Variants in SNPH observed in about 807,000 individuals in gnomAD.
SNPH encodes syntaphilin.
SNPH carries 10 observed loss-of-function variants against 36.8 expected under a neutral mutation model. The observed-to-expected ratio is 0.27, with a 90% CI of 0.17 to 0.46. The LOEUF is 0.46. Among genes scored for constraint, SNPH ranks in the 20% least tolerant of loss-of-function variants. SNPH has a pLI of 1.00. For synonymous variants in SNPH, 281 were observed against 312.2 expected (o/e 0.90, Z 1.05); for missense variants, 622 against 744.0 (o/e 0.84, Z 1.91).
At chr20:1,300,908 T>A (rs538528910) in intron 6 of SNPH, among the ~76,000 whole-genome samples, 197 bp downstream of exon 6, 13 of 152,312 alleles carry the variant, frequency 8.5e-5, no homozygotes, top group African/African-American at 3.1e-4. Context: ...CCTTGACTGC[T>A]CCACGAGGCT....
At chr20:1,296,448 A>C (rs1600260152) in intron 4 of SNPH, 27 bp downstream of exon 4, 9 of 1,571,944 alleles carry the variant, frequency 5.7e-6, no homozygotes, top group Non-Finnish European at 7.7e-6. Flanking sequence ...CTCACAGCCT[A>C]GGCTTCGGAG....
At chr20:1,297,004 G>C in intron 4 of SNPH, 141 bp from the exon 5 acceptor site, 1 of 1,401,710 alleles carries the variant, frequency 7.1e-7, no homozygotes, top group Non-Finnish European at 9.4e-7. Flanking sequence ...CTGTCTGTGC[G>C]TCTCTCTCTC....
intron 2 of SNPH, among the ~76,000 whole-genome samples, chr20:1,271,341 T>C (rs1044958461): frequency 6.6e-6 from 1 of 152,202 alleles, no homozygotes; most frequent in African/African-American, 2.4e-5. Flanking sequence ...TTTCTTCTTC[T>C]TCTTCTTTTT....
intron 2 of SNPH, among the ~76,000 whole-genome samples, chr20:1,291,728 G>A (rs1223136832): frequency 6.6e-6 from 1 of 152,180 alleles, no homozygotes; most frequent in Non-Finnish European, 1.5e-5. Context: ...CTGTTCCCTC[G>A]GATTTTAGGA....
rs2088615415 is a variant in SNPH at position 1,308,716 on chromosome 20, T to A, written c.*2662T>A. The A allele has an allele frequency of 6.6e-6, 1 of 152,652 alleles. No individual in the cohort carries two copies. The highest frequency in any genetic ancestry group is 1.5e-5 in the Non-Finnish European group (1 of 68,386). The allele number at this position is 152,652 out of a possible 1,614,324, so 9.5% of individuals were successfully genotyped here. On this transcript the variant is annotated 3_prime_UTR_variant, in exon 7 of 7. Transcript: ENST00000381867. ...CCCGTTGGGCTGTGACTTTTCCTCC[T>A]GCCCTCAGCCTCTGAAACAGAAATC...
chr20:1,278,833 G>A (rs1210188239), intron 2 of SNPH, among the ~76,000 whole-genome samples: 6 of 152,116 alleles, frequency 3.9e-5, no homozygotes, highest in Non-Finnish European at 5.9e-5. Context: ...ACAGGCATGC[G>A]CCACCATGCC....
Position 1,304,619 on chromosome 20 carries a change from G to A in SNPH, c.441-259G>A, listed in dbSNP as rs567519980. 1.1e-4 allele frequency among the ~76,000 whole-genome samples: 16 copies of A among 152,196 alleles called. No individual in the cohort carries two copies. The South Asian group carries it at 2.7e-3, about 26-fold the overall frequency. On this transcript the variant is annotated intron_variant, in intron 6 of 6. Transcript: ENST00000381867. The surrounding 1 kb of genome is among the most constrained non-coding windows in gnomAD (Gnocchi z 4.3). ...GGTGGTGGGGTGGGGGAGGGAATGC[G>A]AGTGGTGTCTCCTCCCAACCTTTCT...
At chr20:1,292,070 G>A (rs1204497094) in intron 2 of SNPH, among the ~76,000 whole-genome samples, 3 of 152,212 alleles carry the variant, frequency 2.0e-5, no homozygotes, top group African/African-American at 7.2e-5. Context: ...TCTATTCAAT[G>A]TGCTTGTTTA....
intron 2 of SNPH, among the ~76,000 whole-genome samples, chr20:1,278,455 A>C (rs1186446660): frequency 6.6e-6 from 1 of 152,176 alleles, no homozygotes; most frequent in East Asian, 1.9e-4. Context: ...TTCTATACTG[A>C]TGAAACCATC....
intron 5 of SNPH, 74 bp downstream of exon 5, chr20:1,297,326 G>A (rs1211771006): frequency 2.1e-6 from 3 of 1,450,122 alleles, no homozygotes; most frequent in Non-Finnish European, 2.8e-6. Flanking sequence ...AGAGGTAAGG[G>A]AGCAGGGTCG....
rs1474562068 is a variant in SNPH at position 1,276,855 on chromosome 20, C to T, written c.-493+10095C>T. Among the ~76,000 whole-genome samples the T allele has an allele frequency of 6.6e-6, 1 of 152,130 alleles. No homozygotes were observed. The highest frequency in any genetic ancestry group is 2.4e-5 in the African/African-American group (1 of 41,424). On this transcript the variant is annotated intron_variant, in intron 2 of 6. Transcript: ENST00000381867. This position sits in a 1 kb window ranked among gnomAD's most constrained non-coding sequence, Gnocchi z 4.6. ...GTCAGATGGATGTTGGGCTTTGAAA[C>T]CTTCAGATTCTTTCCTGTCCAGAAT...
intron 2 of SNPH, among the ~76,000 whole-genome samples, chr20:1,275,323 G>T (rs369551421): frequency 1.1e-4 from 16 of 152,164 alleles, no homozygotes; most frequent in African/African-American, 3.9e-4. Context: ...AAAGAGCCTG[G>T]TATATAGCAG....
At chr20:1,278,560 ATTAC>A (rs2088180223) in intron 2 of SNPH, among the ~76,000 whole-genome samples, 1 of 152,168 alleles carries the variant, frequency 6.6e-6, no homozygotes, top group Admixed American at 6.5e-5. Flanking sequence ...GTCAGTACAG[ATTAC>A]TTCACATTTT....
chr20:1,266,853 T>C lies in SNPH; in HGVS notation c.-493+93T>C. 1 of 1,295,228 alleles carries C rather than the reference T, an allele frequency of 7.7e-7. No individual in the cohort carries two copies. Among genetic ancestry groups the C allele is most frequent in the South Asian group, 2.3e-5 (1 of 43,414 alleles). The allele number at this position is 1,295,228 out of a possible 1,614,324, so 80.2% of individuals were successfully genotyped here. On this transcript the variant is annotated intron_variant, in intron 2 of 6. Transcript: ENST00000381867. The surrounding 1 kb of genome is among the most constrained non-coding windows in gnomAD (Gnocchi z 6.0). ...AACCGCTCGCTGCGGTAGAATCCCT[T>C]GGAGGGCACCAGCCTAAGAGGGGTT...
intron 5 of SNPH, among the ~76,000 whole-genome samples, chr20:1,299,670 TC>T (rs2088481237): frequency 6.6e-6 from 1 of 152,272 alleles, no homozygotes; most frequent in African/African-American, 2.4e-5. Flanking sequence ...AGTGGACAGG[TC>T]CCTGCCCAGA....
rs184775414 is a variant in SNPH at position 1,290,320 on chromosome 20, C to G, written c.-492-4631C>G. Among the ~76,000 whole-genome samples, 6 of 152,248 alleles carry G rather than the reference C, an allele frequency of 3.9e-5. No individual in the cohort carries two copies. The East Asian group carries it at 1.2e-3, about 29-fold the overall frequency. ...TACTTCTAAAACGTTTTTTATCTTC[C>G]CAAAAAAGAAACTCCATTCCCATTA... On this transcript the variant is annotated intron_variant, in intron 2 of 6. Transcript: ENST00000381867.
rs908997628 is a variant in SNPH at position 1,277,730 on chromosome 20, C to CTG, written c.-493+10978_-493+10979dup. On this transcript the variant is annotated intron_variant, in intron 2 of 6. Coordinates refer to ENST00000381867, the MANE Select transcript of SNPH (RefSeq NM_001318234.2). ...TGTGCCTGTGTGTCTGTGTGTGTAT[C>CTG]TGTGTGTGTCGTGTGTCTGTGTGTG... Among the ~76,000 whole-genome samples the CTG allele has an allele frequency of 3.7e-5, 4 of 106,772 alleles. No homozygotes were observed. The East Asian group carries it at 1.2e-3, about 32-fold the overall frequency. The allele number at this position is 106,772 out of a possible 152,430, so 70.0% of individuals were successfully genotyped here.
In SNPH at chr20:1,277,566, TC is replaced by T. The variant is rs1251555122; in HGVS notation, c.-493+10807del. ...GTCTGTGTGTGTATCTGTGTGTGTGTCGTGTGTCTGTGTGTGTGTGTCAGTG... is the reference window on the plus strand; with the variant it reads ...GTCTGTGTGTGTATCTGTGTGTGTGTGTGTGTCTGTGTGTGTGTGTCAGTG... On this transcript the variant is annotated intron_variant, in intron 2 of 6. Transcript: ENST00000381867. Among the ~76,000 whole-genome samples the T allele has an allele frequency of 3.5e-3, 447 of 128,556 alleles. 4 individuals carry two copies. Among genetic ancestry groups the T allele is most frequent in the African/African-American group, 0.012 (417 of 33,828 alleles). The allele number at this position is 128,556 out of a possible 152,430, so 84.3% of individuals were successfully genotyped here.
At position 1,276,002 on chromosome 20, in the gene SNPH, C is replaced by G. The variant is rs1257356549; in HGVS notation, c.-493+9242C>G. Among the ~76,000 whole-genome samples, 1 of 152,228 alleles carries G rather than the reference C, an allele frequency of 6.6e-6. No homozygotes were observed. Among genetic ancestry groups the G allele is most frequent in the Non-Finnish European group, 1.5e-5 (1 of 68,042 alleles). On this transcript the variant is annotated intron_variant, in intron 2 of 6. Coordinates refer to ENST00000381867, the MANE Select transcript of SNPH (RefSeq NM_001318234.2). The surrounding 1 kb of genome is among the most constrained non-coding windows in gnomAD (Gnocchi z 4.6). ...ACACTGTCTTTCAGGGGACCCACTT[C>G]CAACTCCCACAGCTCCTTCACAGAG...
Sources: allele counts gnomAD v4.1 joint callset (sites outside exome capture counted in the v4.1 genomes callset), GRCh38; gene constraint gnomAD v4.1.1; non-coding constraint Gnocchi (gnomAD v3.1); transcripts MANE v1.5; gene names NCBI Gene and HGNC (gene_info 2026-07-23, HGNC 2026-07-21).